The following GALNT18 variants were observed in gnomAD, a reference collection of about 807,000 sequenced individuals.
GALNT18 encodes the protein GalNAc-transferase 18.
Under a neutral mutation model 69.5 loss-of-function variants are expected in GALNT18, and 44 were observed. That is an observed-to-expected ratio of 0.63 (90% CI 0.50 to 0.81). The LOEUF is 0.81. Ranked by LOEUF, GALNT18 falls within the 40% of genes least tolerant of loss-of-function variation. The pLI is 0.00. For synonymous variants in GALNT18, 364 were observed against 318.2 expected (o/e 1.14, Z -1.53); for missense variants, 715 against 810.0 (o/e 0.88, Z 1.42).
chr11:11,329,036 G>A (rs899456783), intron 8 of GALNT18, among the ~76,000 whole-genome samples: 1 of 151,742 alleles, frequency 6.6e-6, no homozygotes, highest in Non-Finnish European at 1.5e-5. Context: ...GGAGCTAGAA[G>A]CAACAGGCTG....
At chr11:11,296,464 C>CAGG (rs1208204724) in intron 9 of GALNT18, among the ~76,000 whole-genome samples, 1 of 152,178 alleles carries the variant, frequency 6.6e-6, no homozygotes, top group Non-Finnish European at 1.5e-5. Context: ...CCCTGCATGC[C>CAGG]AGGACCCAGA....
chr11:11,295,266 A>G (rs1331436480), intron 9 of GALNT18, among the ~76,000 whole-genome samples: 3 of 151,954 alleles, frequency 2.0e-5, no homozygotes, highest in African/African-American at 7.3e-5. Context: ...CAGGAAAGAG[A>G]CGGCCCACTT....
rs547010412 is a variant in GALNT18, at chr11:11,273,965, C to G, written c.1678-2675G>C. Among the ~76,000 whole-genome samples, 19 of 152,264 alleles carry G rather than the reference C, an allele frequency of 1.2e-4. No individual in the cohort carries two copies. The East Asian group carries it at 3.1e-3, about 25-fold the overall frequency. On this transcript the variant is annotated intron_variant, in intron 10 of 10. Transcript: ENST00000227756. The stretch of plus-strand genomic sequence containing the variant: ...CCATGCAGAAGGCGGGTGATTTCTG[C>G]GTTTCCAACTGAGGGACCTGGTTCA...
In GALNT18 at chr11:11,332,702, A is replaced by T. The variant is rs1198729718; in HGVS notation, c.1408T>A (p.Tyr470Asn). ...GGAGGCCAGCTCCTTACCACTCCAT[A>T]GGCAATGATGTCGGAGTACATCCTC... is the stretch of plus-strand genomic sequence containing the variant. ...EMRMYSDIIA[Y>N]GVLQNSLKTD... is the part of the protein sequence containing the mutation. The change falls in exon 8 of 11, where the codon TAT becomes AAT. Residue 470 changes from tyrosine to asparagine, a missense_variant. Physicochemically the swap from Tyr to Asn is moderately radical, Grantham distance 143. Coordinates refer to ENST00000227756, the MANE Select transcript of GALNT18 (RefSeq NM_198516.3). The surrounding 1 kb of genome is among the most constrained non-coding windows in gnomAD (Gnocchi z 4.3). The T allele has an allele frequency of 6.2e-7, 1 of 1,614,128 alleles. No homozygotes were observed. The highest frequency in any genetic ancestry group is 1.3e-5 in the African/African-American group (1 of 75,036).
intron 10 of GALNT18, among the ~76,000 whole-genome samples, chr11:11,275,487 C>A (rs1848924273): frequency 6.6e-6 from 1 of 152,162 alleles, no homozygotes; most frequent in South Asian, 2.1e-4. Context: ...TCTGTAGTTG[C>A]CTGTTCACTC....
chr11:11,379,088 C>T lies in GALNT18; in HGVS notation c.772G>A (p.Val258Met), dbSNP rs370425520. 142 of 1,601,144 alleles carry T rather than the reference C, an allele frequency of 8.9e-5. No homozygotes were observed. The highest frequency in any genetic ancestry group is 1.2e-4 in the Non-Finnish European group (140 of 1,176,772). The change falls in exon 4 of 11, where the codon GTG (valine) becomes ATG (methionine). Residue 258 changes from valine to methionine, a missense_variant. Physicochemically the swap from Val to Met is conservative, Grantham distance 21. Transcript: ENST00000227756. ...CTCCCAAGGGGCACTTACCAGCCCA[C>T]ATTGAACTCCACGTGGGCATCAAAG... ...ALFDAHVEFN[V>M]GWAEPVLTRI... is the part of the protein sequence containing the mutation.
chr11:11,437,231 C>A (rs1409008107), intron 2 of GALNT18, among the ~76,000 whole-genome samples: 1 of 152,208 alleles, frequency 6.6e-6, no homozygotes, highest in East Asian at 1.9e-4. Context: ...AGCCCATGCT[C>A]ATTTTGAGAA....
intron 6 of GALNT18, among the ~76,000 whole-genome samples, chr11:11,350,180 G>A (rs780635945): frequency 6.6e-6 from 1 of 152,210 alleles, no homozygotes; most frequent in African/African-American, 2.4e-5. Context: ...TGAAACAGCT[G>A]CTTACCCACA....
intron 1 of GALNT18, among the ~76,000 whole-genome samples, chr11:11,572,621 A>G (rs1858819439): frequency 6.6e-6 from 1 of 152,092 alleles, no homozygotes; most frequent in African/African-American, 2.4e-5. Flanking sequence ...CCTCTCTGAC[A>G]GCATTGGGAT....
Position 11,383,559 on chromosome 11 carries a change from AT to A in GALNT18, c.596-4296del, listed in dbSNP as rs1439242274. 1.3e-5 allele frequency among the ~76,000 whole-genome samples: 2 copies of A among 152,184 alleles called. No homozygotes were observed. The highest frequency in any genetic ancestry group is 4.8e-5 in the African/African-American group (2 of 41,458). ...TCCTCACCTCTCCCTCAAGGTTCAG[AT>A]GAGCATTTCCCACATCTTCTCTAGG... On this transcript the variant is annotated intron_variant, in intron 3 of 10. Transcript: ENST00000227756. The surrounding 1 kb of genome is among the most constrained non-coding windows in gnomAD (Gnocchi z 5.2).
At position 11,413,784 on chromosome 11, in the gene GALNT18, G is replaced by T. The variant is rs1854787222; in HGVS notation, c.595+18837C>A. On this transcript the variant is annotated intron_variant, in intron 3 of 10. Transcript: ENST00000227756. The surrounding 1 kb of genome is among the most constrained non-coding windows in gnomAD (Gnocchi z 4.7). Reference sequence around the variant, plus strand: ...CAAGAGGATGACTGTGGAGCTAGCTGTGCAGCCAAGCCAGGCTCAGCCTGT... The same window carrying T: ...CAAGAGGATGACTGTGGAGCTAGCTTTGCAGCCAAGCCAGGCTCAGCCTGT... 6.6e-6 allele frequency among the ~76,000 whole-genome samples: 1 copy of T among 152,184 alleles called. No homozygotes were observed. The highest frequency in any genetic ancestry group is 1.5e-5 in the Non-Finnish European group (1 of 68,030).
chr11:11,568,207 G>A (rs929364679), intron 1 of GALNT18, among the ~76,000 whole-genome samples: 3 of 152,322 alleles, frequency 2.0e-5, no homozygotes, highest in African/African-American at 7.2e-5. Flanking sequence ...GTGACATAAG[G>A]AAGAAAGAAA....
At chr11:11,609,677 C>T (rs1190387727) in intron 1 of GALNT18, among the ~76,000 whole-genome samples, 1 of 152,208 alleles carries the variant, frequency 6.6e-6, no homozygotes, top group Admixed American at 6.5e-5. Context: ...TGCAATTTCT[C>T]CCAACTCCTT....
chr11:11,402,961 A>G lies in GALNT18; in HGVS notation c.596-23697T>C, dbSNP rs1854501279. ...CTGCCCCAGGCATTCCCCTGAGGAAAGTGAGCCTCAGAACTGGGAAAGAAA... is the reference window on the plus strand; with the variant it reads ...CTGCCCCAGGCATTCCCCTGAGGAAGGTGAGCCTCAGAACTGGGAAAGAAA... On this transcript the variant is annotated intron_variant, in intron 3 of 10. Transcript: ENST00000227756. This position sits in a 1 kb window ranked among gnomAD's most constrained non-coding sequence, Gnocchi z 4.0. Among the ~76,000 whole-genome samples the G allele has an allele frequency of 6.6e-6, 1 of 152,194 alleles. No individual in the cohort carries two copies. Among genetic ancestry groups the G allele is most frequent in the Admixed American group, 6.5e-5 (1 of 15,288 alleles).
At chr11:11,307,806 C>T (rs767910596) in intron 9 of GALNT18, among the ~76,000 whole-genome samples, 2 of 152,214 alleles carry the variant, frequency 1.3e-5, no homozygotes, top group African/African-American at 2.4e-5. Context: ...GATGCTGATT[C>T]CTTCCTTTGG....
At position 11,461,601 on chromosome 11, in the gene GALNT18, C is replaced by T. The variant is rs1424246384; in HGVS notation, c.236-12665G>A. The stretch of plus-strand genomic sequence containing the variant: ...CACCGAGCTGACAGCCCGGAGCTGA[C>T]ACCCGGACTTCTAAATATACACTAC... On this transcript the variant is annotated intron_variant, in intron 1 of 10. Transcript: ENST00000227756. This position sits in a 1 kb window ranked among gnomAD's most constrained non-coding sequence, Gnocchi z 4.1. 6.6e-6 allele frequency among the ~76,000 whole-genome samples: 1 copy of T among 152,200 alleles called. No homozygotes were observed. The highest frequency in any genetic ancestry group is 1.5e-5 in the Non-Finnish European group (1 of 68,042).
chr11:11,422,044 C>CATCTATATCTAT (rs200766581), intron 3 of GALNT18, among the ~76,000 whole-genome samples: 39 of 151,886 alleles, frequency 2.6e-4, no homozygotes, highest in African/African-American at 9.2e-4. Flanking sequence ...ATATCTATAT[C>CATCTATATCTAT]ATCTATATCT....
At chr11:11,271,443 T>C (rs1848825876) in intron 10 of GALNT18, among the ~76,000 whole-genome samples, 153 bp from the exon 11 acceptor site, 1 of 152,144 alleles carries the variant, frequency 6.6e-6, no homozygotes, top group Non-Finnish European at 1.5e-5. Context: ...GGCTCCCCTA[T>C]CACTCATATA....
At chr11:11,311,260 A>G (rs1849669692) in intron 9 of GALNT18, among the ~76,000 whole-genome samples, 1 of 152,180 alleles carries the variant, frequency 6.6e-6, no homozygotes, top group African/African-American at 2.4e-5. Context: ...CACTTGGTGC[A>G]AGGGACATCA....
Sources: gnomAD v4.1 joint callset for allele counts (sites outside exome capture counted in the v4.1 genomes callset) on GRCh38, gnomAD v4.1.1 for gene constraint, Gnocchi (gnomAD v3.1) non-coding constraint, MANE v1.5 for transcripts, NCBI Gene and HGNC (gene_info 2026-07-23, HGNC 2026-07-21) for gene names.